Variants in SPATA24 observed in about 807,000 individuals in gnomAD.
SPATA24 encodes the protein spermatogenesis associated 24.
Under a neutral mutation model 28.9 loss-of-function variants are expected in SPATA24, and 21 were observed. That is an observed-to-expected ratio of 0.73 (90% confidence interval 0.52 to 1.05). SPATA24 has a LOEUF of 1.05. SPATA24 is among the 50% of genes least tolerant of loss of function. The pLI, the probability that SPATA24 is intolerant of heterozygous loss-of-function variation, is 0.00. For synonymous variants in SPATA24, 76 were observed against 89.9 expected (o/e 0.85, Z 0.88); for missense variants, 215 against 242.9 (o/e 0.88, Z 0.76).
intron 4 of SPATA24, among the ~76,000 whole-genome samples, chr5:139,398,404 TAA>T (rs11434297): frequency 7.0e-6 from 1 of 142,908 alleles, no homozygotes; most frequent in Non-Finnish European, 1.5e-5. Context: ...TCTACAAAAC[TAA>T]AAAAAAAAAA....
chr5:139,392,756 T>C, downstream of SPATA24: 2 of 1,436,120 alleles, frequency 1.4e-6, no homozygotes, highest in Non-Finnish European at 1.8e-6. This position sits in a 1 kb window ranked among gnomAD's most constrained non-coding sequence, Gnocchi z 5.8. Context: ...AGAGGGCTGG[T>C]CCGACCGTCG....
At chr5:139,394,379 C>A (rs770336987), downstream of SPATA24, 361 of 1,407,420 alleles carry the variant, frequency 2.6e-4, no homozygotes, top group Non-Finnish European at 3.0e-4. Flanking sequence ...TCCAGGGAAC[C>A]GGTGCGCAGG....
rs1758876570 is a variant in SPATA24, at chr5:139,403,953, C to T, written c.108G>A (p.Leu36=). The T allele has an allele frequency of 1.3e-6, 2 of 1,551,626 alleles. No homozygotes were observed. The highest frequency in any genetic ancestry group is 1.7e-6 in the Non-Finnish European group (2 of 1,146,858). Residue 36 remains leucine, a synonymous_variant, in exon 1 of 6, where the codon CTG becomes CTA. Transcript: ENST00000450845. ...TCCTCTGGCTGCATACCACGTTCCT[C>T]AGCTGGTGGATTAGTTCCTCCTGAG... ...IESQEELIHQ[L]RNVMVLQDEN... is the part of the protein sequence containing the mutation.
chr5:139,393,312 G>C (rs763116928), downstream of SPATA24: 18 of 1,550,650 alleles, frequency 1.2e-5, no homozygotes, highest in East Asian at 3.7e-4. Context: ...GGTGGCTGCC[G>C]GGCGGCTCGG....
downstream of SPATA24, chr5:139,394,946 C>A (rs1490516623): frequency 4.6e-6 from 7 of 1,520,796 alleles, no homozygotes; most frequent in African/African-American, 7.2e-5. Context: ...TCCGGCCCAA[C>A]GTCCGGGGGC....
downstream of SPATA24, chr5:139,393,802 C>G: frequency 1.3e-6 from 2 of 1,551,392 alleles, no homozygotes; most frequent in East Asian, 2.4e-5. Flanking sequence ...GAACAATGGG[C>G]TACTCACCCT....
chr5:139,394,007 G>T, downstream of SPATA24: 1 of 1,550,658 alleles, frequency 6.4e-7, no homozygotes, highest in Non-Finnish European at 8.7e-7. Context: ...GCCTCTCGCG[G>T]GAACCGAGTC....
downstream of SPATA24, chr5:139,394,997 C>A: frequency 6.7e-7 from 1 of 1,492,260 alleles, no homozygotes; most frequent in Non-Finnish European, 8.9e-7. Flanking sequence ...CCTGACGAAC[C>A]GGAGGAGTCC....
downstream of SPATA24, chr5:139,395,152 C>T: frequency 1.5e-6 from 2 of 1,345,980 alleles, no homozygotes; most frequent in Middle Eastern, 2.8e-4. Context: ...CTGTCCCCGC[C>T]CCGCCCGAGG....
At chr5:139,395,307 A>C (rs1758681026), downstream of SPATA24, 1 of 410,812 alleles carries the variant, frequency 2.4e-6, no homozygotes, top group African/African-American at 2.1e-5. Flanking sequence ...AAGCCGGAGT[A>C]CCTGGGGTGG....
chr5:139,393,669 C>T (rs780987978), downstream of SPATA24: 2 of 1,550,778 alleles, frequency 1.3e-6, no homozygotes, highest in African/African-American at 1.4e-5. Context: ...CTTCGAGGGA[C>T]GGGCTCCTTT....
downstream of SPATA24, chr5:139,393,058 GC>G: frequency 6.5e-7 from 1 of 1,532,178 alleles, no homozygotes; most frequent in Non-Finnish European, 8.8e-7. Flanking sequence ...GTGAGCCGGG[GC>G]GGGGGGCCCC....
At chr5:139,398,822 G>C (rs1329490500) in intron 4 of SPATA24, among the ~76,000 whole-genome samples, 1 of 119,138 alleles carries the variant, frequency 8.4e-6, no homozygotes, top group Non-Finnish European at 1.6e-5. Context: ...TCAGGAGTTT[G>C]AGACCAGCCT....
downstream of SPATA24, chr5:139,394,840 C>A (rs1480993806): frequency 4.6e-6 from 7 of 1,531,632 alleles, no homozygotes; most frequent in African/African-American, 5.7e-5. Context: ...GGGCCCGTGC[C>A]GCTGGCGGCT....
At chr5:139,394,304 TCA>T (rs1181135753), downstream of SPATA24, 8 of 1,509,318 alleles carry the variant, frequency 5.3e-6, no homozygotes, top group Non-Finnish European at 7.1e-6. Flanking sequence ...GCCTCGGGGC[TCA>T]GTTTTCTGGC....
downstream of SPATA24, chr5:139,393,509 T>C: frequency 6.4e-7 from 1 of 1,551,498 alleles, no homozygotes; most frequent in Non-Finnish European, 8.7e-7. Context: ...CCCGGCCCCA[T>C]GGGATCCCAT....
At chr5:139,393,723 A>G, downstream of SPATA24, 1 of 1,551,340 alleles carries the variant, frequency 6.4e-7, no homozygotes, top group Non-Finnish European at 8.7e-7. Flanking sequence ...TCGGAGGGGA[A>G]GGGCTTCTCC....
intron 2 of SPATA24, 41 bp from the exon 3 acceptor site, chr5:139,402,086 C>T: frequency 6.5e-7 from 1 of 1,540,556 alleles, no homozygotes; most frequent in Non-Finnish European, 8.7e-7. Context: ...CCTAGGCCGC[C>T]TTGGGTCTCC....
chr5:139,393,361 G>T, downstream of SPATA24: 2 of 1,551,498 alleles, frequency 1.3e-6, no homozygotes, highest in Non-Finnish European at 1.7e-6. Flanking sequence ...CCCTCCAAAG[G>T]CAAGATCTGA....
Sources: gnomAD v4.1 joint callset for allele counts (sites outside exome capture counted in the v4.1 genomes callset) on GRCh38, gnomAD v4.1.1 for gene constraint, Gnocchi (gnomAD v3.1) non-coding constraint, MANE v1.5 for transcripts, NCBI Gene and HGNC (gene_info 2026-07-23, HGNC 2026-07-21) for gene names.